Variants in MAGI2 observed in about 807,000 individuals in gnomAD.
MAGI2 encodes membrane-associated guanylate kinase, WW and PDZ domain-containing protein 2.
A neutral mutation model predicts 133.3 loss-of-function variants in MAGI2; 35 were observed. The ratio of observed to expected loss-of-function variants is 0.26; its 90% CI spans 0.20 to 0.35. The LOEUF is 0.35. Ranked by LOEUF, MAGI2 falls within the 10% of genes least tolerant of loss-of-function variation. The pLI, the probability that MAGI2 is intolerant of heterozygous loss-of-function variation, is 1.00. For missense variants in MAGI2, 1,636 were observed against 1,863.4 expected (o/e 0.88, Z 2.25); for synonymous variants, 729 against 710.6 (o/e 1.03, Z -0.41).
rs140716215 is a variant in MAGI2, at chr7:78,550,605, A to G, written c.539-28960T>C. 7.4e-3 allele frequency among the ~76,000 whole-genome samples: 1,131 copies of G among 152,314 alleles called. 48 individuals are homozygous for G. The highest frequency in any genetic ancestry group is 0.068 in the Admixed American group (1,044 of 15,294). On this transcript the variant is annotated intron_variant, in intron 3 of 21. Coordinates refer to ENST00000354212, the MANE Select transcript of MAGI2 (RefSeq NM_012301.4). Reference sequence around the variant, plus strand: ...CACTCCAGATAAGAGCTTTTACCCAATGGCACTTCTGCATAACTCCACTGG... The same window carrying G: ...CACTCCAGATAAGAGCTTTTACCCAGTGGCACTTCTGCATAACTCCACTGG...
At chr7:78,421,159 T>A (rs1410154650) in intron 6 of MAGI2, among the ~76,000 whole-genome samples, 2 of 152,146 alleles carry the variant, frequency 1.3e-5, no homozygotes, top group South Asian at 2.1e-4. Flanking sequence ...GATTCCCATC[T>A]GTAAGAAGGA....
chr7:79,085,785 A>G (rs748745961), intron 1 of MAGI2, among the ~76,000 whole-genome samples: 3 of 151,598 alleles, frequency 2.0e-5, no homozygotes, highest in Non-Finnish European at 4.4e-5. Context: ...TTGTCGGCCA[A>G]TGCTTGGACA....
Position 78,240,754 on chromosome 7 carries a change from A to G in MAGI2, c.2047+15189T>C, listed in dbSNP as rs193126271. Among the ~76,000 whole-genome samples the G allele has an allele frequency of 3.2e-3, 481 of 152,312 alleles. 1 individual carries two copies. The highest frequency in any genetic ancestry group is 6.0e-3 in the South Asian group (29 of 4,818). The stretch of plus-strand genomic sequence containing the variant: ...TGATTATAGTTGATGATGATATACC[A>G]TATTCTTGAAAAATGCTAAGAGTGG... On this transcript the variant is annotated intron_variant, in intron 10 of 21. Transcript: ENST00000354212.
At chr7:79,364,645 C>T in intron 1 of MAGI2, among the ~76,000 whole-genome samples, 1 of 151,954 alleles carries the variant, frequency 6.6e-6, no homozygotes, top group East Asian at 1.9e-4. Context: ...CCCACACAAT[C>T]ATATTCAACT....
chr7:78,889,236 A>G (rs1211803937), intron 2 of MAGI2, among the ~76,000 whole-genome samples: 2 of 152,206 alleles, frequency 1.3e-5, no homozygotes, highest in African/African-American at 4.8e-5. Flanking sequence ...ATGTGAGAAG[A>G]CCAAATCTAC....
At chr7:78,893,867 A>C (rs1436154495) in intron 2 of MAGI2, among the ~76,000 whole-genome samples, 1 of 152,206 alleles carries the variant, frequency 6.6e-6, no homozygotes, top group Non-Finnish European at 1.5e-5. Context: ...CCTAAAACTT[A>C]AAGTATAATA....
At chr7:78,208,134 G>GCTT (rs1312003834) in intron 10 of MAGI2, among the ~76,000 whole-genome samples, 6 of 36,088 alleles carry the variant, frequency 1.7e-4, no homozygotes, top group African/African-American at 4.5e-4. Flanking sequence ...TCCCAAAGTG[G>GCTT]CTTTTTTTTT....
At chr7:78,898,442 C>T (rs1642908) in intron 2 of MAGI2, among the ~76,000 whole-genome samples, 1 of 151,956 alleles carries the variant, frequency 6.6e-6, no homozygotes, top group African/African-American at 2.4e-5. Flanking sequence ...AGAAAATGTC[C>T]TACATATACA....
At chr7:78,065,580 T>C in intron 21 of MAGI2, 3 of 693,776 alleles carry the variant, frequency 4.3e-6, no homozygotes, top group Non-Finnish European at 7.8e-6. Flanking sequence ...AAACCGTGTC[T>C]TTAGGGTGGC....
intron 1 of MAGI2, among the ~76,000 whole-genome samples, chr7:79,356,209 T>A (rs1842009398): frequency 6.6e-6 from 1 of 152,200 alleles, no homozygotes; most frequent in South Asian, 2.1e-4. Context: ...TCTAGGAATT[T>A]AAAATATCAC....
At chr7:79,421,609 C>T (rs890027013) in intron 1 of MAGI2, among the ~76,000 whole-genome samples, 1 of 151,920 alleles carries the variant, frequency 6.6e-6, no homozygotes, top group Non-Finnish European at 1.5e-5. Flanking sequence ...CTGCCTATCA[C>T]ATTGTCTACT....
At chr7:78,775,691 G>A (rs1218347132) in intron 2 of MAGI2, among the ~76,000 whole-genome samples, 1 of 152,066 alleles carries the variant, frequency 6.6e-6, no homozygotes, top group African/African-American at 2.4e-5. Context: ...CTAATATAAG[G>A]TTCTTATATT....
chr7:79,059,095 A>G (rs71555022), intron 1 of MAGI2, among the ~76,000 whole-genome samples: 3,825 of 152,094 alleles, frequency 0.025, 61 homozygotes, highest in South Asian at 0.046. Context: ...AACGGCAAAA[A>G]CTGCAATTAC....
chr7:79,332,787 G>C (rs879708561), intron 1 of MAGI2, among the ~76,000 whole-genome samples: 1 of 151,954 alleles, frequency 6.6e-6, no homozygotes, highest in Non-Finnish European at 1.5e-5. Context: ...AGTTATTTTT[G>C]TGAACCTAAG....
At chr7:78,845,807 G>A (rs1792551185) in intron 2 of MAGI2, among the ~76,000 whole-genome samples, 1 of 151,846 alleles carries the variant, frequency 6.6e-6, no homozygotes, top group South Asian at 2.1e-4. Flanking sequence ...TACCTACACA[G>A]GAAAGGACTA....
chr7:79,203,105 A>G (rs1408887645), intron 1 of MAGI2, among the ~76,000 whole-genome samples: 1 of 151,838 alleles, frequency 6.6e-6, no homozygotes, highest in Non-Finnish European at 1.5e-5. Context: ...ACTTTTCTTC[A>G]TCTCCACACA....
rs114304071 is a variant in MAGI2, at chr7:78,974,834, C to A, written c.418+32256G>T. 2.3e-3 allele frequency among the ~76,000 whole-genome samples: 349 copies of A among 151,758 alleles called. 1 individual carries two copies. Among genetic ancestry groups the A allele is most frequent in the African/African-American group, 8.2e-3 (341 of 41,460 alleles). ...CAAGTAAGAACATCATCCACCTAAC[C>A]AAAACACCTATAATCTAAGTAGTTA... is the stretch of plus-strand genomic sequence containing the variant. On this transcript the variant is annotated intron_variant, in intron 2 of 21. Coordinates refer to ENST00000354212, the MANE Select transcript of MAGI2 (RefSeq NM_012301.4).
chr7:78,460,595 C>T (rs1789866723), intron 6 of MAGI2, among the ~76,000 whole-genome samples: 1 of 152,138 alleles, frequency 6.6e-6, no homozygotes, highest in Non-Finnish European at 1.5e-5. Context: ...TTCAGAGTTT[C>T]AAGTTAAGGA....
chr7:78,955,502 G>GA (rs1476483400), intron 2 of MAGI2, among the ~76,000 whole-genome samples: 1 of 151,766 alleles, frequency 6.6e-6, no homozygotes, highest in African/African-American at 2.4e-5. Context: ...TCTGAAGTCG[G>GA]AAAAAAATAA....
Sources: gnomAD v4.1 joint callset for allele counts (sites outside exome capture counted in the v4.1 genomes callset) on GRCh38, gnomAD v4.1.1 for gene constraint, MANE v1.5 for transcripts, NCBI Gene and HGNC (gene_info 2026-07-23, HGNC 2026-07-21) for gene names.